Variants in SCN11A observed in about 807,000 individuals in gnomAD.
SCN11A encodes the protein sodium channel protein type 11 subunit alpha.
In SCN11A, 122 loss-of-function variants were observed where a neutral mutation model predicts 162.2. The ratio of observed to expected loss-of-function variants is 0.75; its 90% confidence interval spans 0.65 to 0.87. The LOEUF is 0.87. Ranked by LOEUF, SCN11A falls within the 40% of genes least tolerant of loss-of-function variation. SCN11A has a pLI of 0.00. For missense variants in SCN11A, 2,015 were observed against 2,181.6 expected, an observed-to-expected ratio of 0.92 and a Z score of 1.52; for synonymous variants, 758 against 751.5, an observed-to-expected ratio of 1.01 and a Z score of -0.14.
intron 9 of SCN11A, among the ~76,000 whole-genome samples, chr3:38,922,509 A>T (rs1047714776): frequency 1.3e-5 from 2 of 152,218 alleles, no homozygotes; most frequent in African/African-American, 4.8e-5. Flanking sequence ...AATGGGCCAA[A>T]ATAGAGACTA....
chr3:38,863,957 C>T (rs1193250746), intron 27 of SCN11A, among the ~76,000 whole-genome samples: 1 of 151,980 alleles, frequency 6.6e-6, no homozygotes, highest in East Asian at 1.9e-4. Flanking sequence ...AAAAGATAGA[C>T]TAGTAAATTA....
chr3:38,846,697 G>A lies in SCN11A; in HGVS notation c.5373C>T (p.Asp1791=). 6.2e-7 allele frequency: 1 copy of A among 1,613,576 alleles called. No homozygotes were observed. ...FGVAKGKVHC[D] is the part of the protein sequence containing the mutation. ...AGGTAGGCGTGGAGGTGAGGGCTCA[G>A]TCACAGTGGACCTTGCCCTTGGCCA... The change falls in exon 30 of 30, where the codon GAC becomes GAT. Residue 1791 remains aspartate, a synonymous_variant. Transcript: ENST00000302328.
At chr3:38,980,085 CGACTCAG>C (rs1299275577) in intron 2 of SCN11A, among the ~76,000 whole-genome samples, 2 of 152,178 alleles carry the variant, frequency 1.3e-5, no homozygotes, top group African/African-American at 4.8e-5. Flanking sequence ...AGAACCTGAG[CGACTCAG>C]TGTTAGTCCC....
rs187927728 is a variant in SCN11A at position 38,950,210 on chromosome 3, C to A, written c.153G>T (p.Arg51=). 77 of 1,614,010 alleles carry A rather than the reference C, an allele frequency of 4.8e-5. No homozygotes were observed. The highest frequency in any genetic ancestry group is 3.1e-4 in the African/African-American group (23 of 74,974). ...KDQTGEVPQP[R]PQLDLKASRK... is the part of the protein sequence containing the mutation. The stretch of plus-strand genomic sequence containing the variant: ...TGGAGGCCTTTAGGTCAAGCTGAGG[C>A]CGAGGCTGGGGTACTTCTCCTGTCT... The change falls in exon 5 of 30, where the codon CGG becomes CGT. Residue 51 remains arginine, a synonymous_variant. Coordinates refer to ENST00000302328, the MANE Select transcript of SCN11A (RefSeq NM_001349253.2).
intron 27 of SCN11A, among the ~76,000 whole-genome samples, chr3:38,864,951 T>C (rs1481333126): frequency 6.6e-6 from 1 of 152,168 alleles, no homozygotes; most frequent in African/African-American, 2.4e-5. Context: ...AATTTGAAAA[T>C]AGACTCGGTA....
chr3:38,907,747 T>C (rs1305989925), intron 14 of SCN11A, among the ~76,000 whole-genome samples: 2 of 152,150 alleles, frequency 1.3e-5, no homozygotes, highest in Non-Finnish European at 2.9e-5. Context: ...GCCAAGAAGA[T>C]AGTAAACACT....
In SCN11A at chr3:38,983,848, TAGAG is replaced by T. The variant is rs929589571; in HGVS notation, c.-279-23429_-279-23426del. Among the ~76,000 whole-genome samples, 68 of 151,070 alleles carry T rather than the reference TAGAG, an allele frequency of 4.5e-4. 1 individual carries two copies. Among genetic ancestry groups the T allele is most frequent in the Admixed American group, 4.5e-3 (68 of 15,224 alleles). On this transcript the variant is annotated intron_variant, in intron 2 of 29. Transcript: ENST00000302328. ...TGTTGGGTTTCATCCACCAGGAAGTTAGAGAGAGAAATTACTTAGAGATAAACTT... is the reference window on the plus strand; with the variant it reads ...TGTTGGGTTTCATCCACCAGGAAGTTAGAGAAATTACTTAGAGATAAACTT...
chr3:38,876,215 A>G (rs2065204695), intron 23 of SCN11A, among the ~76,000 whole-genome samples: 1 of 152,170 alleles, frequency 6.6e-6, no homozygotes, highest in African/African-American at 2.4e-5. Flanking sequence ...TCAACTCAAG[A>G]GGGATCAGGG....
At chr3:38,894,494 C>T in intron 19 of SCN11A, 39 bp downstream of exon 19, 1 of 1,513,428 alleles carries the variant, frequency 6.6e-7, no homozygotes, top group East Asian at 2.3e-5. Flanking sequence ...ATAACTCCAG[C>T]TTTGTATGAC....
At chr3:39,042,712 C>CT (rs1297249619) in intron 1 of SCN11A, among the ~76,000 whole-genome samples, 1 of 152,046 alleles carries the variant, frequency 6.6e-6, no homozygotes, top group Admixed American at 6.5e-5. Flanking sequence ...AATCCCAGCA[C>CT]TTTGGGAGGC....
At chr3:39,029,488 C>A (rs560791907) in intron 2 of SCN11A, among the ~76,000 whole-genome samples, 1 of 152,288 alleles carries the variant, frequency 6.6e-6, no homozygotes, top group South Asian at 2.1e-4. Flanking sequence ...GGCTCACTGT[C>A]ATGTGTGTTC....
At chr3:38,893,979 G>GCGA (rs2065542919) in intron 19 of SCN11A, among the ~76,000 whole-genome samples, 1 of 152,032 alleles carries the variant, frequency 6.6e-6, no homozygotes, top group South Asian at 2.1e-4. Flanking sequence ...CTTCAGAGCT[G>GCGA]CGAGAAATAA....
At chr3:38,895,931 G>C (rs912626243) in intron 18 of SCN11A, among the ~76,000 whole-genome samples, 14 of 152,082 alleles carry the variant, frequency 9.2e-5, no homozygotes, top group African/African-American at 3.1e-4. Context: ...CGTGTGTAGA[G>C]AGTTAATTAT....
rs532950465 is a variant in SCN11A, at chr3:38,917,240, T to C, written c.959+2695A>G. On this transcript the variant is annotated intron_variant, in intron 11 of 29. Transcript: ENST00000302328. ...GTGGGAGTGTAAATTAGTTCAACCA[T>C]TGTGGAAAACTGTGGCAATTCCTCA... is the stretch of plus-strand genomic sequence containing the variant. Among the ~76,000 whole-genome samples, 6 of 152,336 alleles carry C rather than the reference T, an allele frequency of 3.9e-5. No homozygotes were observed. The East Asian group carries it at 5.8e-4, about 15-fold the overall frequency.
At chr3:38,998,257 T>A (rs1303945590) in intron 2 of SCN11A, among the ~76,000 whole-genome samples, 5 of 152,202 alleles carry the variant, frequency 3.3e-5, no homozygotes, top group African/African-American at 1.2e-4. Flanking sequence ...GGGCAGCTTT[T>A]ATGAGCCATC....
chr3:38,929,338 C>T (rs2125557176), intron 7 of SCN11A, among the ~76,000 whole-genome samples: 1 of 152,180 alleles, frequency 6.6e-6, no homozygotes, highest in East Asian at 1.9e-4. Context: ...GTGAAACAAT[C>T]CAGTCATAAA....
intron 28 of SCN11A, among the ~76,000 whole-genome samples, chr3:38,857,703 C>G (rs1434578132): frequency 6.6e-6 from 1 of 152,026 alleles, no homozygotes; most frequent in East Asian, 1.9e-4. Flanking sequence ...ATCAAGTTAT[C>G]TAAAGTCAAG....
chr3:38,954,241 A>G (rs2066654836), intron 3 of SCN11A, among the ~76,000 whole-genome samples: 1 of 152,182 alleles, frequency 6.6e-6, no homozygotes, highest in South Asian at 2.1e-4. Flanking sequence ...TGTGTAATTG[A>G]ATTTGTATGA....
chr3:38,973,348 C>T (rs1331844768), intron 2 of SCN11A, among the ~76,000 whole-genome samples: 1 of 152,120 alleles, frequency 6.6e-6, no homozygotes, highest in Non-Finnish European at 1.5e-5. Flanking sequence ...TAGAGGCTCA[C>T]TGTCTCTTCT....
Sources: allele counts gnomAD v4.1 joint callset (sites outside exome capture counted in the v4.1 genomes callset), GRCh38; gene constraint gnomAD v4.1.1; transcripts MANE v1.5; gene names NCBI Gene and HGNC (gene_info 2026-07-23, HGNC 2026-07-21).